Variants in RNLS observed in about 807,000 individuals in gnomAD.
The protein encoded by RNLS is renalase.
Under a neutral mutation model 39.8 loss-of-function variants are expected in RNLS, and 39 were observed. That is an observed-to-expected ratio of 0.98 (90% CI 0.76 to 1.28). The LOEUF (loss-of-function observed/expected upper bound fraction) is 1.28. Among genes scored for constraint, RNLS ranks in the 50% most tolerant of loss-of-function variants. The probability of loss-of-function intolerance (pLI) is 0.00; values close to 1 mark genes in which losing one functional copy is unlikely to be tolerated. For missense variants in RNLS, 410 were observed against 413.3 expected (o/e 0.99, Z 0.07); for synonymous variants, 147 against 150.7 (o/e 0.98, Z 0.18).
At chr10:88,185,975 A>C in the RNLS span, among the ~76,000 whole-genome samples, 1 of 152,348 alleles carries the variant, frequency 6.6e-6, no homozygotes, top group South Asian at 2.1e-4. Context: ...GCAGGTCCCC[A>C]AACTCTTCTT....
chr10:88,256,243 A>G, the RNLS span, among the ~76,000 whole-genome samples: 1 of 152,214 alleles, frequency 6.6e-6, no homozygotes, highest in Admixed American at 6.5e-5. Context: ...GCCAAATTCA[A>G]TGTGTCATAG....
chr10:88,220,712 T>G, the RNLS span, among the ~76,000 whole-genome samples: 1 of 152,184 alleles, frequency 6.6e-6, no homozygotes, highest in Non-Finnish European at 1.5e-5. Flanking sequence ...CTAGTATTGT[T>G]TTTACTACAA....
the RNLS span, among the ~76,000 whole-genome samples, chr10:88,196,180 A>T: frequency 2.1e-5 from 3 of 145,486 alleles, no homozygotes; most frequent in Admixed American, 7.1e-5. Context: ...ATATTTTGGC[A>T]TCCTACAATT....
Position 88,504,842 on chromosome 10 carries a change from AGAGTGT to A in RNLS, c.526+68055_526+68060del, listed in dbSNP as rs1211909990. 1.3e-3 allele frequency among the ~76,000 whole-genome samples: 142 copies of A among 106,808 alleles called. 2 individuals carry two copies. Among genetic ancestry groups the A allele is most frequent in the African/African-American group, 2.7e-3 (58 of 21,252 alleles). 70.1% of individuals were successfully genotyped at this position (106,808 alleles called of 152,430 possible). On this transcript the variant is annotated intron_variant, in intron 4 of 6. Coordinates refer to ENST00000331772, the MANE Select transcript of RNLS (RefSeq NM_001031709.3). ...TGGAGCAAATTAGAGAGAGAGAGAC[AGAGTGT>A]GTGTGTGTGTGTGTGTGTGTGTGTG...
At chr10:88,442,975 G>A (rs1252132269) in intron 4 of RNLS, among the ~76,000 whole-genome samples, 1 of 152,140 alleles carries the variant, frequency 6.6e-6, no homozygotes, top group African/African-American at 2.4e-5. Context: ...GGCGTTCCCT[G>A]TTCCAGAGAT....
chr10:88,315,843 CAT>C (rs1845724018), intron 5 of RNLS, among the ~76,000 whole-genome samples: 1 of 146,490 alleles, frequency 6.8e-6, no homozygotes. Flanking sequence ...CATTAAATAA[CAT>C]AGTACACATG....
At chr10:88,188,978 A>G in the RNLS span, among the ~76,000 whole-genome samples, 38 of 152,302 alleles carry the variant, frequency 2.5e-4, no homozygotes, top group African/African-American at 7.7e-4. Context: ...GCTGGCAGCT[A>G]AGAGATGTGA....
At chr10:88,194,028 A>G in the RNLS span, among the ~76,000 whole-genome samples, 2 of 152,220 alleles carry the variant, frequency 1.3e-5, no homozygotes, top group Non-Finnish European at 1.5e-5. Context: ...CTAAATATGA[A>G]ATCACGTCTA....
intron 4 of RNLS, among the ~76,000 whole-genome samples, chr10:88,517,833 GAGAAAATTTTCAT>G (rs1425376773): frequency 4.6e-5 from 7 of 151,882 alleles, no homozygotes; most frequent in African/African-American, 1.7e-4. Flanking sequence ...AAGGTTTGGA[GAGAAAATTTTCAT>G]ACCATTTGAA....
At chr10:88,234,368 G>C in the RNLS span, among the ~76,000 whole-genome samples, 1 of 152,078 alleles carries the variant, frequency 6.6e-6, no homozygotes, top group Non-Finnish European at 1.5e-5. Context: ...TTGCTGCAGT[G>C]ATGGGCCATT....
intron 5 of RNLS, among the ~76,000 whole-genome samples, chr10:88,347,940 G>A (rs1459071240): frequency 6.6e-6 from 1 of 152,040 alleles, no homozygotes; most frequent in Non-Finnish European, 1.5e-5. Flanking sequence ...CTATTAAAAG[G>A]ACTGTAATTA....
chr10:88,211,358 CAGTGTG>C, the RNLS span, among the ~76,000 whole-genome samples: 1 of 152,120 alleles, frequency 6.6e-6, no homozygotes, highest in Non-Finnish European at 1.5e-5. Flanking sequence ...GCTTAGAGTA[CAGTGTG>C]ATGGAGACAG....
intron 4 of RNLS, among the ~76,000 whole-genome samples, chr10:88,515,802 A>G (rs902822850): frequency 2.6e-5 from 4 of 152,040 alleles, no homozygotes; most frequent in Non-Finnish European, 5.9e-5. Flanking sequence ...TGAAACATAG[A>G]GGGCAATATG....
At chr10:88,318,678 A>G (rs1208759803) in intron 5 of RNLS, among the ~76,000 whole-genome samples, 1 of 152,196 alleles carries the variant, frequency 6.6e-6, no homozygotes, top group African/African-American at 2.4e-5. Context: ...CCCCAAGACC[A>G]TCTTGGTGGT....
the RNLS span, among the ~76,000 whole-genome samples, chr10:88,243,513 C>G: frequency 1.8e-4 from 27 of 152,308 alleles, no homozygotes; most frequent in African/African-American, 6.3e-4. Context: ...AAAGGCAAAG[C>G]CTTAGTCCTA....
chr10:88,474,789 G>GT (rs1212593891), intron 4 of RNLS, among the ~76,000 whole-genome samples: 1 of 152,164 alleles, frequency 6.6e-6, no homozygotes, highest in African/African-American at 2.4e-5. Context: ...ATTCAATGAA[G>GT]TAACATATGC....
intron 4 of RNLS, among the ~76,000 whole-genome samples, chr10:88,519,722 A>ATC (rs777334948): frequency 5.6e-5 from 8 of 142,152 alleles, no homozygotes; most frequent in Non-Finnish European, 1.2e-4. Flanking sequence ...TCACATATAT[A>ATC]TGATATATAT....
At chr10:88,427,669 A>C (rs1027976333) in intron 4 of RNLS, among the ~76,000 whole-genome samples, 8 of 152,168 alleles carry the variant, frequency 5.3e-5, no homozygotes, top group Non-Finnish European at 4.4e-5. Context: ...TGATACAAAT[A>C]AAGGAAAATG....
intron 4 of RNLS, among the ~76,000 whole-genome samples, chr10:88,388,766 G>A (rs1402755642): frequency 2.6e-5 from 4 of 151,908 alleles, no homozygotes; most frequent in Non-Finnish European, 5.9e-5. Context: ...CTTTTTATAT[G>A]ACTTCCCCCT....
Sources: gnomAD v4.1 joint callset for allele counts (sites outside exome capture counted in the v4.1 genomes callset) on GRCh38, gnomAD v4.1.1 for gene constraint, MANE v1.5 for transcripts, NCBI Gene and HGNC (gene_info 2026-07-23, HGNC 2026-07-21) for gene names.